Variants in LRP2 observed in about 807,000 individuals in gnomAD.
The protein encoded by LRP2 is LDL receptor related protein 2, also known as low-density lipoprotein receptor-related protein 2.
LRP2 carries 172 observed loss-of-function variants against 531.0 expected under a neutral mutation model. The ratio of observed to expected loss-of-function variants is 0.32; its 90% confidence interval spans 0.29 to 0.37. LRP2 has a LOEUF of 0.37. LRP2 is among the 10% of genes least tolerant of loss of function. The pLI is 1.00. For missense variants in LRP2, 5,167 were observed against 5,868.3 expected, an observed-to-expected ratio of 0.88 and a Z score of 3.90; for synonymous variants, 1,992 against 2,027.6, an observed-to-expected ratio of 0.98 and a Z score of 0.47.
Position 169,271,044 on chromosome 2 carries a change from G to T in LRP2, c.2180C>A (p.Ser727Tyr). Residue 727 changes from serine to tyrosine, a missense_variant, in exon 16 of 79, where the codon TCT becomes TAT. By Grantham distance (144) the Ser-to-Tyr change is moderately radical (BLOSUM62 -2). Coordinates refer to ENST00000649046, the MANE Select transcript of LRP2 (RefSeq NM_004525.3). ...VAIRGIPFTL[S>Y]TQEDVMVPVS... ...TGGAACCATGACATCTTCCTGGGTA[G>T]ACAAGGTGAACGGGATCCCACGAAT... 6.2e-7 allele frequency: 1 copy of T among 1,613,230 alleles called. No homozygotes were observed. The highest frequency in any genetic ancestry group is 8.5e-7 in the Non-Finnish European group (1 of 1,179,496).
Position 169,182,315 on chromosome 2 carries a change from G to C in LRP2, c.9850C>G (p.Leu3284Val), listed in dbSNP as rs775817900. Residue 3284 changes from leucine to valine, a missense_variant, in exon 51 of 79, where the codon CTC (leucine) becomes GTC (valine). Leu to Val is a conservative substitution (Grantham distance 32, BLOSUM62 1). Around this residue, in one of 6 missense-constraint regions of LRP2, gnomAD observed 1,129 missense variants for 1,362.7 expected, o/e 0.83. Coordinates refer to ENST00000649046, the MANE Select transcript of LRP2 (RefSeq NM_004525.3). ...TCCAGGCGGGCATCCAACCAGTAGA[G>C]CTTTCTAAAATGGAGAGCCAGGAGT... Reference protein sequence around the residue: ...SLAVDWVSRKLYWLDARLDGL... With the variant: ...SLAVDWVSRKVYWLDARLDGL... 6.2e-7 allele frequency: 1 copy of C among 1,613,596 alleles called. No individual in the cohort carries two copies.
At chr2:169,260,465 G>GGTGA (rs1482213742) in intron 16 of LRP2, among the ~76,000 whole-genome samples, 8 of 152,170 alleles carry the variant, frequency 5.3e-5, no homozygotes, top group Non-Finnish European at 1.0e-4. Flanking sequence ...CCAAGGAAGG[G>GGTGA]GTGAGTGGTC....
rs1687621225 is a variant in LRP2 at position 169,185,937 on chromosome 2, A to G, written c.9411T>C (p.Cys3137=). 2 of 1,614,058 alleles carry G rather than the reference A, an allele frequency of 1.2e-6. No homozygotes were observed. Among genetic ancestry groups the G allele is most frequent in the Non-Finnish European group, 1.7e-6 (2 of 1,179,956 alleles). Residue 3137 remains cysteine, a synonymous_variant, in exon 50 of 79, where the codon TGT becomes TGC. Transcript: ENST00000649046. ...TDTLTSFYCS[C]RPGYKLMSDK... is the part of the protein sequence containing the mutation. The stretch of plus-strand genomic sequence containing the variant: ...CAGACATGAGCTTGTAACCAGGACG[A>G]CAGGAACAATAGAAACTGGTTAAGG...
chr2:169,175,513 G>T, intron 54 of LRP2, 124 bp from the exon 55 acceptor site: 1 of 829,724 alleles, frequency 1.2e-6, no homozygotes, highest in Non-Finnish European at 2.0e-6. Context: ...CCCTAGAAGA[G>T]GATCAATTAA....
In LRP2 at chr2:169,136,817, G is replaced by A. The variant is rs372038172; in HGVS notation, c.13620+575C>T. ...CTTGTTGCTCACACACACAAAAAAAGATGACTGAGCAACAAGGCTGCAACA... is the reference window on the plus strand; with the variant it reads ...CTTGTTGCTCACACACACAAAAAAAAATGACTGAGCAACAAGGCTGCAACA... On this transcript the variant is annotated intron_variant, in intron 76 of 78. Transcript: ENST00000649046. Among the ~76,000 whole-genome samples, 62 of 152,132 alleles carry A rather than the reference G, an allele frequency of 4.1e-4. No individual in the cohort carries two copies. In the East Asian group the frequency reaches 7.0e-3, roughly 17 times the overall value.
chr2:169,221,037 T>A (rs1215249236), intron 33 of LRP2, among the ~76,000 whole-genome samples: 1 of 152,194 alleles, frequency 6.6e-6, no homozygotes, highest in Non-Finnish European at 1.5e-5. Flanking sequence ...CAGTGAATTC[T>A]GTTCCAAGTC....
chr2:169,141,352 A>T (rs1685712640), intron 71 of LRP2, among the ~76,000 whole-genome samples: 1 of 151,870 alleles, frequency 6.6e-6, no homozygotes, highest in South Asian at 2.1e-4. Flanking sequence ...CCATAGTACC[A>T]CCTGAACTAC....
At chr2:169,259,775 G>A (rs1031605030) in intron 16 of LRP2, among the ~76,000 whole-genome samples, 1 of 151,556 alleles carries the variant, frequency 6.6e-6, no homozygotes, top group Admixed American at 6.6e-5. Context: ...CCTCTTTATG[G>A]AGTTATTATG....
chr2:169,318,944 C>A (rs368111261), intron 2 of LRP2, 60 bp from the exon 3 acceptor site: 2 of 1,596,666 alleles, frequency 1.3e-6, no homozygotes, highest in Non-Finnish European at 1.7e-6. Context: ...TACTAGCAAG[C>A]AATGCTTGTT....
At chr2:169,344,990 G>A (rs1447714030) in intron 1 of LRP2, among the ~76,000 whole-genome samples, 2 of 152,116 alleles carry the variant, frequency 1.3e-5, no homozygotes, top group African/African-American at 4.8e-5. Context: ...TCAGAAAATA[G>A]CCTTTAATCT....
rs1172383879 is a variant in LRP2, at chr2:169,127,532, C to G, written c.*1131G>C. On this transcript the variant is annotated 3_prime_UTR_variant, in exon 79 of 79. Coordinates refer to ENST00000649046, the MANE Select transcript of LRP2 (RefSeq NM_004525.3). ...TTGGCAATATAGCAAGACTCCATCT[C>G]TAAAAAAAAAAAAAAAAAAAAAACC... 1.4e-4 allele frequency: 1 copy of G among 7,368 alleles called. No homozygotes were observed. The highest frequency in any genetic ancestry group is 2.9e-4 in the Non-Finnish European group (1 of 3,456). 0.5% of individuals were successfully genotyped at this position (7,368 alleles called of 1,614,324 possible). A position where few individuals can be genotyped will look rare whatever the true frequency, so the allele number is the denominator to read the frequency against.
chr2:169,203,102 A>C, intron 42 of LRP2, 143 bp from the exon 43 acceptor site: 1 of 719,512 alleles, frequency 1.4e-6, no homozygotes, highest in Non-Finnish European at 2.5e-6. Context: ...TAACCTTTTA[A>C]CTATATTCTG....
chr2:169,294,087 A>C, intron 6 of LRP2, 61 bp downstream of exon 6: 2 of 1,250,030 alleles, frequency 1.6e-6, no homozygotes, highest in Non-Finnish European at 2.4e-6. Flanking sequence ...AAAACAAAAC[A>C]AAACCGAAAC....
At chr2:169,293,535 C>T (rs963727274) in intron 6 of LRP2, among the ~76,000 whole-genome samples, 1 of 152,116 alleles carries the variant, frequency 6.6e-6, no homozygotes, top group African/African-American at 2.4e-5. Flanking sequence ...ATTAGCCAGA[C>T]ATGGTGGTGC....
chr2:169,263,689 G>A (rs550778505), intron 16 of LRP2, among the ~76,000 whole-genome samples: 15 of 151,984 alleles, frequency 9.9e-5, no homozygotes, highest in African/African-American at 2.9e-4. Flanking sequence ...TCAGTGTGGC[G>A]ATTCCTCAGG....
intron 47 of LRP2, 71 bp downstream of exon 47, chr2:169,193,686 CCAAA>C: frequency 1.3e-6 from 2 of 1,585,396 alleles, no homozygotes; most frequent in Admixed American, 1.7e-5. Context: ...ATCATACTCT[CCAAA>C]CACAGAAAAA....
At chr2:169,294,530 A>C (rs915068216) in intron 5 of LRP2, 70 bp downstream of exon 5, 2 of 1,096,528 alleles carry the variant, frequency 1.8e-6, no homozygotes, top group Admixed American at 3.5e-5. Flanking sequence ...AGAGATGTAC[A>C]TATTGGCTCT....
rs549320912 is a variant in LRP2, at chr2:169,136,303, C to T, written c.13620+1089G>A. ...CTGAGAAACACTGCGCATTATCTCT[C>T]CATGCCACCCCCCCAAAAATTTTTT... On this transcript the variant is annotated intron_variant, in intron 76 of 78. Coordinates refer to ENST00000649046, the MANE Select transcript of LRP2 (RefSeq NM_004525.3). Among the ~76,000 whole-genome samples the T allele has an allele frequency of 1.2e-3, 175 of 152,146 alleles. 1 individual carries two copies. Among genetic ancestry groups the T allele is most frequent in the African/African-American group, 4.1e-3 (171 of 41,446 alleles).
chr2:169,322,010 T>G (rs1232534508), intron 1 of LRP2, among the ~76,000 whole-genome samples: 5 of 152,166 alleles, frequency 3.3e-5, no homozygotes, highest in Admixed American at 3.3e-4. Flanking sequence ...CCAGCCCCAC[T>G]TAGAGAAGAC....
Sources: gnomAD v4.1 joint callset for allele counts (sites outside exome capture counted in the v4.1 genomes callset) on GRCh38, gnomAD v4.1.1 for gene constraint, gnomAD v4.1.1 regional missense constraint, MANE v1.5 for transcripts, NCBI Gene and HGNC (gene_info 2026-07-23, HGNC 2026-07-21) for gene names.